Variants in PTPRA observed in about 807,000 individuals in gnomAD.
PTPRA encodes protein tyrosine phosphatase receptor type A.
In PTPRA, 25 loss-of-function variants were observed where a neutral mutation model predicts 104.8. That is an observed-to-expected ratio of 0.24 (90% CI 0.17 to 0.33). The LOEUF is 0.33. PTPRA is among the 10% of genes least tolerant of loss of function. The pLI is 1.00. For synonymous variants in PTPRA, 323 were observed against 368.9 expected (o/e 0.88, Z 1.43); for missense variants, 765 against 1,015.3 (o/e 0.75, Z 3.35).
At chr20:2,934,010 A>G (rs1476547911) in intron 2 of PTPRA, among the ~76,000 whole-genome samples, 1 of 152,188 alleles carries the variant, frequency 6.6e-6, no homozygotes, top group African/African-American at 2.4e-5. Context: ...TGTTATTTAT[A>G]TACTTAAAAC....
Position 3,005,149 on chromosome 20 carries a change from G to A in PTPRA, c.829+3G>A. On this transcript the variant is annotated splice_donor_region_variant and intron_variant, in intron 10 of 23. Coordinates refer to ENST00000399903, the MANE Select transcript of PTPRA (RefSeq NM_001385305.1). ...TCGATATGTAAACATCTTGCCTTGTGAGTGTCTTTAGTGTTTCTTGGGATG... is the reference window on the plus strand; with the variant it reads ...TCGATATGTAAACATCTTGCCTTGTAAGTGTCTTTAGTGTTTCTTGGGATG... The A allele has an allele frequency of 6.3e-7, 1 of 1,578,950 alleles. No individual in the cohort carries two copies. Among genetic ancestry groups the A allele is most frequent in the Non-Finnish European group, 8.7e-7 (1 of 1,148,050 alleles).
intron 9 of PTPRA, among the ~76,000 whole-genome samples, chr20:2,991,099 A>T (rs960748486): frequency 4.6e-5 from 7 of 152,276 alleles, no homozygotes; most frequent in African/African-American, 1.4e-4. Flanking sequence ...CACACCTGTA[A>T]TCCCAGCACT....
At chr20:2,989,205 C>T (rs922790616) in intron 9 of PTPRA, among the ~76,000 whole-genome samples, 25 of 152,256 alleles carry the variant, frequency 1.6e-4, no homozygotes, top group East Asian at 7.7e-4. Context: ...GAGGCTGAGG[C>T]GGGCACATCA....
chr20:2,935,392 A>G (rs6037431), intron 2 of PTPRA, among the ~76,000 whole-genome samples: 27,152 of 152,104 alleles, frequency 0.18, 3,495 homozygotes, highest in African/African-American at 0.36. Context: ...CCATTCATCC[A>G]TCAATGAATG....
chr20:2,898,843 G>A (rs930219006), intron 1 of PTPRA, among the ~76,000 whole-genome samples: 1 of 152,120 alleles, frequency 6.6e-6, no homozygotes, highest in Non-Finnish European at 1.5e-5. Context: ...GGATGACAGG[G>A]CGAGACTCCG....
intron 6 of PTPRA, among the ~76,000 whole-genome samples, chr20:2,982,447 T>G (rs930467432): frequency 6.6e-6 from 1 of 152,172 alleles, no homozygotes; most frequent in Non-Finnish European, 1.5e-5. Flanking sequence ...TTACTATTTT[T>G]TTTTGTTCTT....
Position 3,022,240 on chromosome 20 carries a change from T to C in PTPRA, c.1328+20T>C, listed in dbSNP as rs2064910684. The C allele has an allele frequency of 6.2e-7, 1 of 1,612,554 alleles. No homozygotes were observed. The highest frequency in any genetic ancestry group is 1.3e-5 in the African/African-American group (1 of 74,894). ...CTGCAGGTCAGTGTGGCCTGACCCT[T>C]GTACCCCCACCCCCACATTTCGCCC... On this transcript the variant is annotated intron_variant, in intron 15 of 23. Coordinates refer to ENST00000399903, the MANE Select transcript of PTPRA (RefSeq NM_001385305.1). This position sits in a 1 kb window ranked among gnomAD's most constrained non-coding sequence, Gnocchi z 4.6.
intron 3 of PTPRA, among the ~76,000 whole-genome samples, chr20:2,961,462 T>G (rs534572947): frequency 6.6e-6 from 1 of 152,372 alleles, no homozygotes; most frequent in African/African-American, 2.4e-5. Flanking sequence ...TCAGGTCTTT[T>G]GCCCATTTTT....
chr20:3,009,819 A>C (rs903736664), intron 11 of PTPRA, among the ~76,000 whole-genome samples: 1 of 151,934 alleles, frequency 6.6e-6, no homozygotes, highest in Non-Finnish European at 1.5e-5. Context: ...TGCGGGTAAG[A>C]GAATACTCAA....
chr20:2,994,366 G>A (rs572448683), intron 9 of PTPRA, among the ~76,000 whole-genome samples: 3 of 152,262 alleles, frequency 2.0e-5, no homozygotes, highest in South Asian at 2.1e-4. Context: ...GACCTGGAAA[G>A]CTACTTTCCG....
intron 3 of PTPRA, among the ~76,000 whole-genome samples, chr20:2,961,664 T>C (rs1209567446): frequency 6.6e-6 from 1 of 152,236 alleles, no homozygotes; most frequent in African/African-American, 2.4e-5. Context: ...ATGCCTTTGA[T>C]GTTATATCTA....
intron 1 of PTPRA, among the ~76,000 whole-genome samples, chr20:2,887,799 A>G (rs921258404): frequency 6.6e-6 from 1 of 152,222 alleles, no homozygotes; most frequent in African/African-American, 2.4e-5. Flanking sequence ...GGATAGTTCC[A>G]GGACTTTCAC....
intron 2 of PTPRA, among the ~76,000 whole-genome samples, chr20:2,923,612 A>G (rs911643984): frequency 1.4e-4 from 21 of 152,148 alleles, no homozygotes; most frequent in Admixed American, 3.9e-4. Flanking sequence ...CAGCCTGGCC[A>G]ACATGGTGAA....
chr20:3,009,527 T>C (rs894505154), intron 11 of PTPRA, among the ~76,000 whole-genome samples: 24 of 152,182 alleles, frequency 1.6e-4, no homozygotes, highest in African/African-American at 4.6e-4. Flanking sequence ...GGCTATTAGA[T>C]GGACTTCAAA....
chr20:2,965,233 C>G, intron 5 of PTPRA, 31 bp downstream of exon 5: 1 of 1,532,466 alleles, frequency 6.5e-7, no homozygotes, highest in Non-Finnish European at 8.9e-7. Flanking sequence ...TGTTCTTTTG[C>G]TCTTTGAGTT....
the PTPRA span, chr20:2,865,205 G>T: frequency 6.2e-7 from 1 of 1,614,160 alleles, no homozygotes; most frequent in Non-Finnish European, 8.5e-7. This position sits in a 1 kb window ranked among gnomAD's most constrained non-coding sequence, Gnocchi z 5.2. Context: ...AGACGAGCTG[G>T]GGGGCCAGTT....
At chr20:2,880,446 G>A (rs1461387727) in intron 1 of PTPRA, among the ~76,000 whole-genome samples, 2 of 152,134 alleles carry the variant, frequency 1.3e-5, no homozygotes, top group African/African-American at 4.8e-5. Flanking sequence ...TCCATGTATT[G>A]CAACATGTTG....
rs80241646 is a variant in PTPRA at position 3,036,844 on chromosome 20, C to T, written c.2199-310C>T. Among the ~76,000 whole-genome samples, 138 of 152,294 alleles carry T rather than the reference C, an allele frequency of 9.1e-4. No individual in the cohort carries two copies. The East Asian group carries it at 0.026, about 28-fold the overall frequency. Reference sequence around the variant, plus strand: ...AGGACTAGAGCTAGTTCTAACTGAGCGAACAGCAGGTCAGAACAACCTAGG... The same window carrying T: ...AGGACTAGAGCTAGTTCTAACTGAGTGAACAGCAGGTCAGAACAACCTAGG... On this transcript the variant is annotated intron_variant, in intron 22 of 23. Coordinates refer to ENST00000399903, the MANE Select transcript of PTPRA (RefSeq NM_001385305.1).
intron 1 of PTPRA, among the ~76,000 whole-genome samples, chr20:2,875,662 A>G (rs1447257678): frequency 6.6e-6 from 1 of 152,190 alleles, no homozygotes; most frequent in Non-Finnish European, 1.5e-5. Flanking sequence ...CCTTGTGACA[A>G]GCTATGTAAT....
Sources: allele counts gnomAD v4.1 joint callset (sites outside exome capture counted in the v4.1 genomes callset), GRCh38; gene constraint gnomAD v4.1.1; non-coding constraint Gnocchi (gnomAD v3.1); transcripts MANE v1.5; gene names NCBI Gene and HGNC (gene_info 2026-07-23, HGNC 2026-07-21).